The following POLR3A variants were observed in gnomAD, a reference collection of about 807,000 sequenced individuals.
POLR3A encodes RNA polymerase III subunit A.
POLR3A carries 112 observed loss-of-function variants against 152.8 expected under a neutral mutation model. The observed-to-expected ratio is 0.73, with a 90% CI of 0.63 to 0.86. The LOEUF (loss-of-function observed/expected upper bound fraction) is 0.86. Ranked by LOEUF, POLR3A falls within the 40% of genes least tolerant of loss-of-function variation. The pLI is 0.00. For synonymous variants in POLR3A, 615 were observed against 652.1 expected (o/e 0.94, Z 0.87); for missense variants, 1,385 against 1,743.1 (o/e 0.79, Z 3.66).
At chr10:77,981,335 G>A (rs1353992328) in intron 29 of POLR3A, 93 bp downstream of exon 29, 11 of 1,193,952 alleles carry the variant, frequency 9.2e-6, no homozygotes, top group South Asian at 4.9e-5. Context: ...TCACAGCAGC[G>A]TATTCTACAT....
intron 21 of POLR3A, among the ~76,000 whole-genome samples, chr10:77,988,249 C>A (rs1336083503): frequency 3.9e-5 from 6 of 152,082 alleles, no homozygotes; most frequent in Non-Finnish European, 4.4e-5. Context: ...CAGCTGGGTG[C>A]GGTAGCTCAT....
Position 78,009,944 on chromosome 10 carries a change from C to T in POLR3A, c.1690G>A (p.Ala564Thr). ...AGTATTGAAGCAATGATTTGGCAAG[C>T]CTTGGCTCGATCAAAGAAAGTGTCC... ...LKDTFFDRAK[A>T]CQIIASILVG... The change falls in exon 13 of 31, where the codon GCT becomes ACT. Residue 564 changes from alanine (A) to threonine (T), a missense_variant. Around this residue, in one of 7 missense-constraint regions of POLR3A, gnomAD observed 188 missense variants for 179.9 expected, o/e 1.04. Transcript: ENST00000372371. The T allele has an allele frequency of 6.2e-7, 1 of 1,614,168 alleles. No individual in the cohort carries two copies. Among genetic ancestry groups the T allele is most frequent in the Non-Finnish European group, 8.5e-7 (1 of 1,180,034 alleles).
At chr10:78,008,015 G>GGGT in intron 14 of POLR3A, 149 bp from the exon 15 acceptor site, 1 of 340,628 alleles carries the variant, frequency 2.9e-6, no homozygotes. Context: ...TTTTTGGGGG[G>GGGT]AGGGAGGGGG....
chr10:77,998,260 A>G (rs1383507428), intron 19 of POLR3A, among the ~76,000 whole-genome samples: 1 of 147,684 alleles, frequency 6.8e-6, no homozygotes, highest in Non-Finnish European at 1.5e-5. Flanking sequence ...CTTCATGTCT[A>G]AAACACCAAA....
rs7094028 is a variant in POLR3A, at chr10:77,990,046, G to A, written c.2901+1008C>T. ...CTCGCTGTTTTTATTTTTGATCTAC[G>A]GAAAGAGATACATTCTTCTTTGGCC... On this transcript the variant is annotated intron_variant, in intron 21 of 30. Coordinates refer to ENST00000372371, the MANE Select transcript of POLR3A (RefSeq NM_007055.4). Among the ~76,000 whole-genome samples the A allele has an allele frequency of 6.1e-4, 93 of 152,018 alleles. No homozygotes were observed. In the Middle Eastern group the frequency reaches 0.01, roughly 17 times the overall value.
At chr10:77,992,438 CTTTTTTTTTTT>C (rs71030926) in intron 20 of POLR3A, among the ~76,000 whole-genome samples, 29 of 76,558 alleles carry the variant, frequency 3.8e-4, no homozygotes, top group African/African-American at 1.1e-3. Flanking sequence ...CTGGCTAATT[CTTTTTTTTTTT>C]TTTTTTTTTT....
intron 11 of POLR3A, chr10:78,013,209 A>C (rs1847483726): frequency 3.7e-6 from 1 of 273,148 alleles, no homozygotes; most frequent in African/African-American, 2.2e-5. Context: ...TAGTTTAGGA[A>C]GGTTTCCATT....
At chr10:77,981,636 C>T (rs1242341138) in intron 28 of POLR3A, 77 bp from the exon 29 acceptor site, 16 of 1,541,036 alleles carry the variant, frequency 1.0e-5, no homozygotes, top group Non-Finnish European at 1.4e-5. Context: ...TCTCCTCTGC[C>T]CTGCAGTTTC....
chr10:77,980,177 CAA>C lies in POLR3A; in HGVS notation c.3986_3987del (p.Phe1329Ter). ...TCCTTCTGCCCGAAGTAGGCAGCGT[CAA>C]AGAGATGGTCAGCCGTCTTCTCAAA... ...ASFEKTADHL[F>X]DAAYFGQKDS... On this transcript the variant is annotated frameshift_variant, in exon 30 of 31. Coordinates refer to ENST00000372371, the MANE Select transcript of POLR3A (RefSeq NM_007055.4). LOFTEE classifies it high-confidence loss of function. 6.2e-7 allele frequency: 1 copy of C among 1,614,104 alleles called. No individual in the cohort carries two copies. Among genetic ancestry groups the C allele is most frequent in the Non-Finnish European group, 8.5e-7 (1 of 1,179,976 alleles).
Position 77,982,717 on chromosome 10 carries a change from G to C in POLR3A, c.3530C>G (p.Pro1177Arg), listed in dbSNP as rs1453935721. 6.2e-7 allele frequency: 1 copy of C among 1,613,632 alleles called. No homozygotes were observed. Among genetic ancestry groups the C allele is most frequent in the African/African-American group, 1.3e-5 (1 of 74,856 alleles). The change falls in exon 27 of 31, where the codon CCC (proline) becomes CGC (arginine). Residue 1177 changes from proline to arginine, a missense_variant. Pro to Arg is a moderately radical substitution (Grantham distance 103). Coordinates refer to ENST00000372371, the MANE Select transcript of POLR3A (RefSeq NM_007055.4). ...VHGEAVVCVT[P>R]RENSKSSMYY... ...CATGGAGCTCTTGCTGTTCTCTCTGGGGGTGACACACACCACAGCCTCACC... is the reference window on the plus strand; with the variant it reads ...CATGGAGCTCTTGCTGTTCTCTCTGCGGGTGACACACACCACAGCCTCACC...
At chr10:78,005,976 A>C (rs532822641) in intron 15 of POLR3A, among the ~76,000 whole-genome samples, 2 of 152,246 alleles carry the variant, frequency 1.3e-5, no homozygotes, top group Admixed American at 6.5e-5. Context: ...CAAAAGACAC[A>C]AATGCACAGG....
In POLR3A at chr10:78,024,734, A is replaced by G. The variant is rs774576110; in HGVS notation, c.491-31T>C. ...AGGGTTAGTTTATTTACCAAGAAAT[A>G]AAAAATTATGTTCTCAGATTGGCCA... On this transcript the variant is annotated intron_variant, in intron 4 of 30. Coordinates refer to ENST00000372371, the MANE Select transcript of POLR3A (RefSeq NM_007055.4). The G allele has an allele frequency of 5.0e-6, 8 of 1,588,090 alleles. No individual in the cohort carries two copies. In the East Asian group the frequency reaches 1.8e-4, roughly 35 times the overall value.
chr10:78,001,099 G>A lies in POLR3A; in HGVS notation c.2360-5C>T, dbSNP rs749194472. On this transcript the variant is annotated splice_polypyrimidine_tract_variant and splice_region_variant and intron_variant, in intron 17 of 30. Coordinates refer to ENST00000372371, the MANE Select transcript of POLR3A (RefSeq NM_007055.4). Reference sequence around the variant, plus strand: ...GTGATATGTTAATGAAGGAACCTGGGGACATGGACCAGAAATGTAACATTC... The same window carrying A: ...GTGATATGTTAATGAAGGAACCTGGAGACATGGACCAGAAATGTAACATTC... 6.9e-6 allele frequency: 10 copies of A among 1,442,224 alleles called. No homozygotes were observed. The South Asian group carries it at 1.0e-4, about 15-fold the overall frequency. The allele number at this position is 1,442,224 out of a possible 1,614,324, so 89.3% of individuals were successfully genotyped here.
chr10:77,988,351 G>A (rs545796160), intron 21 of POLR3A, among the ~76,000 whole-genome samples: 1 of 152,122 alleles, frequency 6.6e-6, no homozygotes, highest in East Asian at 1.9e-4. Flanking sequence ...GTGAAACCCC[G>A]TCTCTACTAA....
Position 77,981,521 on chromosome 10 carries a change from C to A in POLR3A, c.3798G>T (p.Thr1266=), listed in dbSNP as rs367653979. The stretch of plus-strand genomic sequence containing the variant: ...TGGTGTACTGGATTTCATTGATGAT[C>A]GTTGTCCGGGCGGCCTCGATGCCCA... ...KTLGIEAART[T]IINEIQYTMV... is the part of the protein sequence containing the mutation. Residue 1266 remains threonine, a synonymous_variant, in exon 29 of 31, where the codon ACG becomes ACT. Coordinates refer to ENST00000372371, the MANE Select transcript of POLR3A (RefSeq NM_007055.4). 4 of 1,613,992 alleles carry A rather than the reference C, an allele frequency of 2.5e-6. No homozygotes were observed. Among genetic ancestry groups the A allele is most frequent in the Non-Finnish European group, 3.4e-6 (4 of 1,179,936 alleles).
chr10:77,984,160 A>G (rs1448408666), intron 25 of POLR3A, 45 bp downstream of exon 25: 2 of 1,364,080 alleles, frequency 1.5e-6, no homozygotes, highest in Non-Finnish European at 1.0e-6. Flanking sequence ...TCCTTGCAAC[A>G]TTGCTGAGCT....
At chr10:77,995,078 G>C (rs1847286692) in intron 19 of POLR3A, among the ~76,000 whole-genome samples, 1 of 152,136 alleles carries the variant, frequency 6.6e-6, no homozygotes, top group African/African-American at 2.4e-5. Context: ...ATAAGTGAAG[G>C]AGAAATAAAA....
chr10:77,993,925 T>G (rs575796717), intron 19 of POLR3A, among the ~76,000 whole-genome samples: 3 of 152,142 alleles, frequency 2.0e-5, no homozygotes, highest in Non-Finnish European at 2.9e-5. Context: ...AGCAATGCTA[T>G]GGTGGCTCAG....
At position 78,026,207 on chromosome 10, in the gene POLR3A, T is replaced by C. The variant is rs746393809; in HGVS notation, c.67A>G (p.Lys23Glu). Residue 23 changes from lysine to glutamate, a missense_variant, in exon 2 of 31, where the codon AAG becomes GAG. By Grantham distance (56) the Lys-to-Glu change is moderately conservative (BLOSUM62 1). This residue lies in a region of POLR3A where 493 missense variants were observed against 647.5 expected (regional missense o/e 0.76). Transcript: ENST00000372371. ...KKISHICFGM[K>E]SPEEMRQQAH... ...TGCTGGCGCATCTCCTCAGGTGACT[T>C]CATTCCAAAACAGATGTGGCTTCTG... 1.1e-5 allele frequency: 18 copies of C among 1,614,220 alleles called. No individual in the cohort carries two copies. The highest frequency in any genetic ancestry group is 1.5e-5 in the Non-Finnish European group (18 of 1,180,032).
Sources: gnomAD v4.1 joint callset for allele counts (sites outside exome capture counted in the v4.1 genomes callset) on GRCh38, gnomAD v4.1.1 for gene constraint, gnomAD v4.1.1 regional missense constraint, MANE v1.5 for transcripts, NCBI Gene and HGNC (gene_info 2026-07-23, HGNC 2026-07-21) for gene names.